The following FGGY variants were observed in gnomAD, a reference collection of about 807,000 sequenced individuals.
FGGY encodes FGGY carbohydrate kinase domain containing.
FGGY carries 72 observed loss-of-function variants against 71.3 expected under a neutral mutation model. The ratio of observed to expected loss-of-function variants is 1.01; its 90% confidence interval spans 0.84 to 1.23. FGGY has a LOEUF of 1.23. Among genes scored for constraint, FGGY ranks in the 50% most tolerant of loss-of-function variants. The probability of loss-of-function intolerance (pLI) is 0.00; values close to 1 mark genes in which losing one functional copy is unlikely to be tolerated. For missense variants in FGGY, 668 were observed against 682.3 expected (o/e 0.98, Z 0.23); for synonymous variants, 251 against 250.3 (o/e 1.00, Z -0.02).
At position 59,667,233 on chromosome 1, in the gene FGGY, T is replaced by C. The variant is rs1269308927; in HGVS notation, c.1297-50T>C. On this transcript the variant is annotated intron_variant, in intron 12 of 15. Coordinates refer to ENST00000303721, the MANE Select transcript of FGGY (RefSeq NM_018291.5). ...TAGACATTTAAGAAGTGTTCCCTAG[T>C]GTTTACTTTTGTGACTATACTGATG... The C allele has an allele frequency of 4.3e-6, 7 of 1,611,366 alleles. No individual in the cohort carries two copies. In the African/African-American group the frequency reaches 9.3e-5, roughly 22 times the overall value.
chr1:59,669,094 G>A (rs1266003436), intron 13 of FGGY, among the ~76,000 whole-genome samples: 1 of 151,858 alleles, frequency 6.6e-6, no homozygotes. Context: ...ATGTGTCAGT[G>A]TGAATCACGC....
intron 6 of FGGY, among the ~76,000 whole-genome samples, chr1:59,501,300 A>G (rs964038202): frequency 2.0e-5 from 3 of 152,184 alleles, no homozygotes; most frequent in African/African-American, 7.2e-5. Context: ...TAGTGATACA[A>G]TTTTGTGTCA....
chr1:59,760,602 T>C (rs1479644124), intron 15 of FGGY, among the ~76,000 whole-genome samples: 2 of 152,108 alleles, frequency 1.3e-5, no homozygotes, highest in African/African-American at 4.8e-5. Context: ...TACAATGGAG[T>C]ATTATTCAGC....
At chr1:59,737,908 T>G (rs1368284742) in intron 14 of FGGY, among the ~76,000 whole-genome samples, 8 of 152,156 alleles carry the variant, frequency 5.3e-5, no homozygotes, top group Non-Finnish European at 7.4e-5. Context: ...CTTGAATTCC[T>G]CCATGTCGTG....
At chr1:59,595,569 A>C (rs1258981870) in intron 8 of FGGY, among the ~76,000 whole-genome samples, 10 of 152,182 alleles carry the variant, frequency 6.6e-5, no homozygotes, top group Admixed American at 6.5e-4. Flanking sequence ...GAGCAACTGC[A>C]GTCCCAGCTA....
chr1:59,442,463 G>A lies in FGGY; in HGVS notation c.555-14498G>A, dbSNP rs189001806. ...GTTTTTGTTTTTGTTTTCCATTTCT[G>A]TTTCCTTTCCCTCTTTTCCTGTCCT... On this transcript the variant is annotated intron_variant, in intron 5 of 15. Coordinates refer to ENST00000303721, the MANE Select transcript of FGGY (RefSeq NM_018291.5). Among the ~76,000 whole-genome samples, 6 of 152,002 alleles carry A rather than the reference G, an allele frequency of 3.9e-5. No individual in the cohort carries two copies. In the East Asian group the frequency reaches 9.7e-4, roughly 25 times the overall value.
At chr1:59,580,999 T>A (rs1357225731) in intron 8 of FGGY, among the ~76,000 whole-genome samples, 1 of 152,150 alleles carries the variant, frequency 6.6e-6, no homozygotes, top group Non-Finnish European at 1.5e-5. Flanking sequence ...GTAAGGAGTT[T>A]GATAAACTTT....
At chr1:59,591,847 A>G (rs923453455) in intron 8 of FGGY, among the ~76,000 whole-genome samples, 1 of 152,120 alleles carries the variant, frequency 6.6e-6, no homozygotes, top group Non-Finnish European at 1.5e-5. Flanking sequence ...TAGAAGAAAA[A>G]CTAGGCATTA....
chr1:59,491,880 A>G (rs1473608273), intron 6 of FGGY, among the ~76,000 whole-genome samples: 2 of 152,150 alleles, frequency 1.3e-5, no homozygotes, highest in East Asian at 1.9e-4. Flanking sequence ...TAAAACTTCA[A>G]AATTTTTCTG....
chr1:59,346,041 C>T (rs890428742), intron 3 of FGGY, among the ~76,000 whole-genome samples: 3 of 152,180 alleles, frequency 2.0e-5, no homozygotes, highest in Admixed American at 2.0e-4. Flanking sequence ...AGGTCATGGT[C>T]AGAGAACACA....
intron 14 of FGGY, among the ~76,000 whole-genome samples, chr1:59,736,195 A>G (rs1284606079): frequency 6.6e-6 from 1 of 152,112 alleles, no homozygotes; most frequent in South Asian, 2.1e-4. Context: ...TCCCAGCCAT[A>G]TGGAACTGTG....
At chr1:59,748,523 A>C (rs2098218951) in intron 14 of FGGY, among the ~76,000 whole-genome samples, 1 of 152,230 alleles carries the variant, frequency 6.6e-6, no homozygotes, top group African/African-American at 2.4e-5. Context: ...GCCAGCAGCA[A>C]GATGGCCAGT....
At chr1:59,648,778 C>T (rs2097126211) in intron 11 of FGGY, among the ~76,000 whole-genome samples, 1 of 151,974 alleles carries the variant, frequency 6.6e-6, no homozygotes, top group Non-Finnish European at 1.5e-5. Flanking sequence ...TCAATTTTGG[C>T]TTTTGTTGCC....
chr1:59,674,961 C>T (rs1276877518), intron 14 of FGGY, among the ~76,000 whole-genome samples: 1 of 152,186 alleles, frequency 6.6e-6, no homozygotes, highest in East Asian at 1.9e-4. Flanking sequence ...TCTGTACTTC[C>T]ACTCCTTTAT....
chr1:59,418,993 A>G (rs2064966284), intron 5 of FGGY, among the ~76,000 whole-genome samples: 1 of 152,188 alleles, frequency 6.6e-6, no homozygotes, highest in South Asian at 2.1e-4. Flanking sequence ...GCATACTGAA[A>G]TAAAGAGAAT....
At chr1:59,464,430 A>G (rs2092471927) in intron 6 of FGGY, among the ~76,000 whole-genome samples, 1 of 152,214 alleles carries the variant, frequency 6.6e-6, no homozygotes, top group Non-Finnish European at 1.5e-5. Context: ...TCCAAAATTG[A>G]CACCCTAACA....
intron 8 of FGGY, among the ~76,000 whole-genome samples, chr1:59,562,499 A>T (rs866277056): frequency 6.6e-6 from 1 of 152,138 alleles, no homozygotes; most frequent in African/African-American, 2.4e-5. Context: ...TGACTTTGCC[A>T]TGTTCCTGGT....
chr1:59,333,989 G>A (rs1038264465), intron 2 of FGGY, among the ~76,000 whole-genome samples: 5 of 152,170 alleles, frequency 3.3e-5, no homozygotes, highest in Non-Finnish European at 5.9e-5. Context: ...ATTATCTGAT[G>A]ACAGAGGTGA....
At chr1:59,368,608 G>A (rs2056980013) in intron 4 of FGGY, among the ~76,000 whole-genome samples, 1 of 152,196 alleles carries the variant, frequency 6.6e-6, no homozygotes, top group Non-Finnish European at 1.5e-5. Context: ...TGCAGGCCCA[G>A]TGGTTACAAG....
Sources: gnomAD v4.1 joint callset for allele counts (sites outside exome capture counted in the v4.1 genomes callset) on GRCh38, gnomAD v4.1.1 for gene constraint, MANE v1.5 for transcripts, NCBI Gene and HGNC (gene_info 2026-07-23, HGNC 2026-07-21) for gene names.